Variants in RGS7 observed in about 807,000 individuals in gnomAD.
RGS7 encodes the protein regulator of G-protein signaling 7.
In RGS7, 27 loss-of-function variants were observed where a neutral mutation model predicts 81.1. The ratio of observed to expected loss-of-function variants is 0.33; its 90% confidence interval spans 0.25 to 0.46. The LOEUF (loss-of-function observed/expected upper bound fraction) is 0.46. RGS7 is among the 20% of genes least tolerant of loss of function. The probability of loss-of-function intolerance (pLI) is 1.00; values close to 1 mark genes in which losing one functional copy is unlikely to be tolerated. For missense variants in RGS7, 396 were observed against 607.4 expected (o/e 0.65, Z 3.66); for synonymous variants, 208 against 207.7 (o/e 1.00, Z -0.01).
chr1:241,000,812 T>C (rs1688024590), intron 3 of RGS7, among the ~76,000 whole-genome samples: 2 of 67,616 alleles, frequency 3.0e-5, no homozygotes, highest in Admixed American at 4.9e-4. Flanking sequence ...CACACCCAGC[T>C]AATTTTTTTT....
chr1:241,247,394 A>T (rs897992107), intron 2 of RGS7, among the ~76,000 whole-genome samples: 11 of 152,134 alleles, frequency 7.2e-5, no homozygotes, highest in African/African-American at 2.7e-4. Context: ...GTGTATGTAA[A>T]TTATTTGGTT....
intron 4 of RGS7, among the ~76,000 whole-genome samples, chr1:240,976,242 C>T (rs1684043181): frequency 6.6e-6 from 1 of 152,138 alleles, no homozygotes; most frequent in South Asian, 2.1e-4. Flanking sequence ...TGCTGTGCCC[C>T]CAGAGTGAGC....
rs542808393 is a variant in RGS7, at chr1:241,237,784, A to G, written c.78+117915T>C. Among the ~76,000 whole-genome samples the G allele has an allele frequency of 5.3e-5, 8 of 152,294 alleles. No individual in the cohort carries two copies. The East Asian group carries it at 1.5e-3, about 29-fold the overall frequency. On this transcript the variant is annotated intron_variant, in intron 2 of 18. Transcript: ENST00000440928. ...TCGAGGAAAGGTTAGGACAGGATAA[A>G]GCCTCCAGACACCACCGTTCGAGTA...
chr1:241,187,551 T>C lies in RGS7; in HGVS notation c.79-88789A>G, dbSNP rs563146660. ...CCAGTTGTTTGGAATAATTGCAGTC[T>C]CGTTTCAGTCTCAGCTCTATATGCA... On this transcript the variant is annotated intron_variant, in intron 2 of 18. Transcript: ENST00000440928. Among the ~76,000 whole-genome samples, 165 of 152,336 alleles carry C rather than the reference T, an allele frequency of 1.1e-3. 1 individual carries two copies. Among genetic ancestry groups the C allele is most frequent in the South Asian group, 8.7e-3 (42 of 4,834 alleles).
rs528905126 is a variant in RGS7 at position 240,836,404 on chromosome 1, C to T, written c.610-9232G>A. On this transcript the variant is annotated intron_variant, in intron 9 of 18. Coordinates refer to ENST00000440928, the MANE Select transcript of RGS7 (RefSeq NM_001364886.1). ...TTATTCAGGCAAGAGATTATGGTGA[C>T]GTGGGTTTGCCTGCCAGCACTAGAG... is the stretch of plus-strand genomic sequence containing the variant. Among the ~76,000 whole-genome samples the T allele has an allele frequency of 1.9e-4, 29 of 152,232 alleles. No individual in the cohort carries two copies. The South Asian group carries it at 5.4e-3, about 28-fold the overall frequency.
chr1:240,961,225 T>A (rs990555407), intron 4 of RGS7, among the ~76,000 whole-genome samples: 3 of 152,202 alleles, frequency 2.0e-5, no homozygotes, highest in Non-Finnish European at 4.4e-5. Flanking sequence ...TATCACCATT[T>A]CCTTCAGCTA....
intron 3 of RGS7, among the ~76,000 whole-genome samples, chr1:241,090,829 T>C (rs1386900871): frequency 6.6e-6 from 1 of 152,162 alleles, no homozygotes; most frequent in Non-Finnish European, 1.5e-5. Context: ...GCTCAGGTGT[T>C]TTTGATGAGT....
chr1:240,826,106 CAG>C (rs1485727433), intron 10 of RGS7, among the ~76,000 whole-genome samples: 2 of 152,142 alleles, frequency 1.3e-5, no homozygotes, highest in African/African-American at 4.8e-5. Flanking sequence ...GGCCAGCCAC[CAG>C]AGAGACAGAC....
At chr1:240,849,583 T>TG (rs1273781579) in intron 9 of RGS7, among the ~76,000 whole-genome samples, 2 of 152,158 alleles carry the variant, frequency 1.3e-5, no homozygotes, top group Admixed American at 6.5e-5. Context: ...GTTTGGATCA[T>TG]GGGGGTGGAT....
chr1:240,939,833 G>A (rs573586801), intron 4 of RGS7, among the ~76,000 whole-genome samples: 1 of 152,214 alleles, frequency 6.6e-6, no homozygotes, highest in South Asian at 2.1e-4. Flanking sequence ...CACTTCGGGA[G>A]GCCAAGACGG....
intron 3 of RGS7, among the ~76,000 whole-genome samples, chr1:240,990,235 A>T (rs1435953827): frequency 6.6e-6 from 1 of 152,168 alleles, no homozygotes; most frequent in African/African-American, 2.4e-5. Context: ...CAGACATAAC[A>T]ATGGGTGTAA....
At chr1:241,027,557 C>A (rs1228642696) in intron 3 of RGS7, among the ~76,000 whole-genome samples, 1 of 152,098 alleles carries the variant, frequency 6.6e-6, no homozygotes, top group Non-Finnish European at 1.5e-5. Flanking sequence ...GGGAAAGATG[C>A]TGGTGGCTTA....
intron 4 of RGS7, among the ~76,000 whole-genome samples, chr1:240,973,682 T>C (rs902285051): frequency 6.5e-4 from 99 of 151,712 alleles, no homozygotes; most frequent in African/African-American, 2.3e-3. Context: ...CTCCGCCTTC[T>C]GGGTTCACGC....
At chr1:241,261,828 G>C (rs2077352228) in intron 2 of RGS7, among the ~76,000 whole-genome samples, 1 of 152,046 alleles carries the variant, frequency 6.6e-6, no homozygotes, top group African/African-American at 2.4e-5. Flanking sequence ...ATGATGATTA[G>C]TAAAGCAAGA....
At chr1:240,967,215 G>A (rs981253714) in intron 4 of RGS7, among the ~76,000 whole-genome samples, 2 of 152,186 alleles carry the variant, frequency 1.3e-5, no homozygotes, top group African/African-American at 4.8e-5. Context: ...GTGGCTAAGA[G>A]TAAAATGAAG....
At chr1:240,943,000 C>CT (rs1677861878) in intron 4 of RGS7, among the ~76,000 whole-genome samples, 3 of 152,022 alleles carry the variant, frequency 2.0e-5, no homozygotes, top group Admixed American at 2.0e-4. Flanking sequence ...CAGCTTTCAT[C>CT]TTTTTAAAAA....
intron 3 of RGS7, among the ~76,000 whole-genome samples, chr1:241,055,326 T>C (rs143634573): frequency 1.2e-3 from 184 of 152,330 alleles, no homozygotes; most frequent in Non-Finnish European, 1.5e-3. Flanking sequence ...TTCTGACTAA[T>C]GGGCTATAAA....
chr1:241,281,926 C>T (rs937866695), intron 2 of RGS7, among the ~76,000 whole-genome samples: 5 of 152,196 alleles, frequency 3.3e-5, no homozygotes, highest in African/African-American at 4.8e-5. Context: ...CGTTCAACTA[C>T]TTATGTTATC....
intron 3 of RGS7, among the ~76,000 whole-genome samples, chr1:241,066,264 T>C (rs2062056655): frequency 6.6e-6 from 1 of 152,198 alleles, no homozygotes; most frequent in African/African-American, 2.4e-5. Context: ...ATCAGAAATG[T>C]GTGCTCACTG....
Sources: gnomAD v4.1 joint callset for allele counts (sites outside exome capture counted in the v4.1 genomes callset) on GRCh38, gnomAD v4.1.1 for gene constraint, MANE v1.5 for transcripts, NCBI Gene and HGNC (gene_info 2026-07-23, HGNC 2026-07-21) for gene names.